IBTK: variants seen among roughly 807,000 people sequenced by gnomAD.
IBTK encodes the protein BTK-binding protein.
In IBTK, 83 loss-of-function variants were observed where a neutral mutation model predicts 154.9. The ratio of observed to expected loss-of-function variants is 0.54; its 90% CI spans 0.45 to 0.64. The LOEUF is 0.64. Among genes scored for constraint, IBTK ranks in the 30% least tolerant of loss-of-function variants. The probability of loss-of-function intolerance (pLI) is 0.00; values close to 1 mark genes in which losing one functional copy is unlikely to be tolerated. For missense variants in IBTK, 1,332 were observed against 1,584.6 expected (o/e 0.84, Z 2.71); for synonymous variants, 515 against 536.1 (o/e 0.96, Z 0.54).
intron 3 of IBTK, 30 bp downstream of exon 3, chr6:82,234,129 G>A: frequency 8.6e-7 from 1 of 1,160,158 alleles, no homozygotes; most frequent in Non-Finnish European, 1.3e-6. Flanking sequence ...GTGAGCCGCA[G>A]CGCCCAGCCC....
intron 16 of IBTK, among the ~76,000 whole-genome samples, chr6:82,207,523 A>G (rs1769459147): frequency 6.6e-6 from 1 of 152,210 alleles, no homozygotes; most frequent in Non-Finnish European, 1.5e-5. Context: ...GCTGATCTAC[A>G]AATTAAATGT....
At chr6:82,192,637 C>T (rs1420452001) in intron 23 of IBTK, among the ~76,000 whole-genome samples, 1 of 151,326 alleles carries the variant, frequency 6.6e-6, no homozygotes, top group Non-Finnish European at 1.5e-5. Context: ...ATCCCAGCTA[C>T]TAGGGAGGCT....
chr6:82,183,073 A>C (rs1768376754), intron 25 of IBTK, among the ~76,000 whole-genome samples: 1 of 152,198 alleles, frequency 6.6e-6, no homozygotes, highest in African/African-American at 2.4e-5. Flanking sequence ...TGAAGCAATA[A>C]ATAACTAATA....
intron 2 of IBTK, among the ~76,000 whole-genome samples, chr6:82,238,899 T>C (rs1770836574): frequency 6.6e-6 from 1 of 151,626 alleles, no homozygotes; most frequent in African/African-American, 2.4e-5. Context: ...CCACTACACC[T>C]GGCTAATTTT....
intron 25 of IBTK, among the ~76,000 whole-genome samples, chr6:82,185,140 G>A (rs150331184): frequency 4.9e-4 from 66 of 135,764 alleles, no homozygotes; most frequent in African/African-American, 1.5e-3. Context: ...CCAAGATTGC[G>A]CCACGGCACT....
chr6:82,182,955 A>G (rs1482131038), intron 25 of IBTK, among the ~76,000 whole-genome samples: 1 of 152,184 alleles, frequency 6.6e-6, no homozygotes, highest in African/African-American at 2.4e-5. Context: ...TGACTGCAGC[A>G]CTGTGGAAGA....
chr6:82,221,634 T>A (rs1387403972), intron 8 of IBTK, among the ~76,000 whole-genome samples: 1 of 152,176 alleles, frequency 6.6e-6, no homozygotes. Flanking sequence ...ATTTTCAAAA[T>A]TACTATATTG....
rs375549571 is a variant in IBTK at position 82,199,706 on chromosome 6, C to A, written c.3025+435G>T. Reference sequence around the variant, plus strand: ...CATCCTGTTTTAAATCATCAACAGCCACCCATAGCCTTTAGAATAAAACAC... The same window carrying A: ...CATCCTGTTTTAAATCATCAACAGCAACCCATAGCCTTTAGAATAAAACAC... On this transcript the variant is annotated intron_variant, in intron 21 of 28. Coordinates refer to ENST00000306270, the MANE Select transcript of IBTK (RefSeq NM_015525.4). Among the ~76,000 whole-genome samples the A allele has an allele frequency of 8.5e-5, 13 of 152,224 alleles. No homozygotes were observed. The East Asian group carries it at 2.5e-3, about 29-fold the overall frequency.
chr6:82,176,210 T>A (rs948951933), intron 26 of IBTK, among the ~76,000 whole-genome samples: 1 of 151,888 alleles, frequency 6.6e-6, no homozygotes, highest in Admixed American at 6.6e-5. Context: ...TTCTCACAAG[T>A]AGTTTTTTTC....
chr6:82,193,029 C>T lies in IBTK; in HGVS notation c.3339-1150G>A, dbSNP rs189878221. Among the ~76,000 whole-genome samples the T allele has an allele frequency of 2.4e-3, 364 of 149,458 alleles. 1 individual carries two copies. Among genetic ancestry groups the T allele is most frequent in the African/African-American group, 7.5e-3 (303 of 40,532 alleles). On this transcript the variant is annotated intron_variant, in intron 23 of 28. Transcript: ENST00000306270. ...AGGAGAATCGTTTGAACCCAGGAGG[C>T]AGAGGTTGCGGTGAGCCGAGATCGT...
At chr6:82,237,307 G>A (rs971860680) in intron 2 of IBTK, among the ~76,000 whole-genome samples, 5 of 151,776 alleles carry the variant, frequency 3.3e-5, no homozygotes, top group Non-Finnish European at 7.4e-5. Flanking sequence ...GCTGAGAGAT[G>A]CTTTAACTCT....
At chr6:82,212,039 G>A (rs1477699696) in intron 13 of IBTK, among the ~76,000 whole-genome samples, 1 of 152,036 alleles carries the variant, frequency 6.6e-6, no homozygotes, top group Non-Finnish European at 1.5e-5. Context: ...CTGCCACCCA[G>A]GCTGGAGTGC....
chr6:82,246,739 A>G (rs917003363), intron 1 of IBTK, among the ~76,000 whole-genome samples: 3 of 152,236 alleles, frequency 2.0e-5, no homozygotes, highest in Non-Finnish European at 4.4e-5. Flanking sequence ...TAAGGAATTC[A>G]AAATACAAAA....
At position 82,192,656 on chromosome 6, in the gene IBTK, A is replaced by C. The variant is rs186836064; in HGVS notation, c.3339-777T>G. Among the ~76,000 whole-genome samples the C allele has an allele frequency of 2.9e-4, 44 of 151,772 alleles. 1 individual carries two copies. The East Asian group carries it at 8.3e-3, about 29-fold the overall frequency. On this transcript the variant is annotated intron_variant, in intron 23 of 28. Coordinates refer to ENST00000306270, the MANE Select transcript of IBTK (RefSeq NM_015525.4). ...CAGCTACTAGGGAGGCTGAGGCAGG[A>C]GAACCGCTTGAACCTGGGAGGCAGA...
At chr6:82,189,445 T>C (rs1768679924) in intron 25 of IBTK, among the ~76,000 whole-genome samples, 2 of 152,156 alleles carry the variant, frequency 1.3e-5, no homozygotes. Context: ...AAAAACATTT[T>C]CATGAATATA....
At chr6:82,212,101 T>A (rs1769673860) in intron 13 of IBTK, among the ~76,000 whole-genome samples, 2 of 151,908 alleles carry the variant, frequency 1.3e-5, no homozygotes, top group Non-Finnish European at 2.9e-5. Context: ...TACAAGTGAT[T>A]CTCCTGCCTC....
At chr6:82,226,849 G>A (rs1003587060) in intron 5 of IBTK, among the ~76,000 whole-genome samples, 10 of 151,990 alleles carry the variant, frequency 6.6e-5, no homozygotes, top group South Asian at 2.1e-4. Flanking sequence ...CAGGTGATCC[G>A]CCTGCTTCAG....
intron 26 of IBTK, among the ~76,000 whole-genome samples, chr6:82,181,377 T>C (rs1428102175): frequency 1.3e-5 from 2 of 152,296 alleles, no homozygotes; most frequent in East Asian, 1.9e-4. Context: ...TGGATACCCA[T>C]AACAGCATGA....
At chr6:82,184,535 T>C (rs111740167) in intron 25 of IBTK, among the ~76,000 whole-genome samples, 1 of 152,202 alleles carries the variant, frequency 6.6e-6, no homozygotes, top group African/African-American at 2.4e-5. Flanking sequence ...CCAAATCCCA[T>C]ACATACTTAG....
Sources: gnomAD v4.1 joint callset for allele counts (sites outside exome capture counted in the v4.1 genomes callset) on GRCh38, gnomAD v4.1.1 for gene constraint, MANE v1.5 for transcripts, NCBI Gene and HGNC (gene_info 2026-07-23, HGNC 2026-07-21) for gene names.